The following TNNT2 variants were observed in gnomAD, a reference collection of about 807,000 sequenced individuals.
TNNT2 encodes troponin T2, cardiac type.
TNNT2 carries 34 observed loss-of-function variants against 62.4 expected under a neutral mutation model. The ratio of observed to expected loss-of-function variants is 0.54; its 90% confidence interval spans 0.41 to 0.72. The LOEUF (loss-of-function observed/expected upper bound fraction) is 0.72. Ranked by LOEUF, TNNT2 falls within the 30% of genes least tolerant of loss-of-function variation. TNNT2 has a pLI of 0.00. For missense variants in TNNT2, 275 were observed against 381.9 expected, an observed-to-expected ratio of 0.72 and a Z score of 2.33; for synonymous variants, 123 against 127.2, an observed-to-expected ratio of 0.97 and a Z score of 0.22.
chr1:201,372,972 C>T, intron 2 of TNNT2: 1 of 661,080 alleles, frequency 1.5e-6, no homozygotes, highest in East Asian at 2.9e-5. Context: ...GCCAAGGACA[C>T]TGATGACCCT....
intron 9 of TNNT2, 49 bp downstream of exon 9, chr1:201,365,561 T>C (rs1299960854): frequency 1.9e-6 from 3 of 1,596,314 alleles, no homozygotes; most frequent in Non-Finnish European, 2.6e-6. Context: ...CTGAGGGCCC[T>C]TGGGACTATC....
At chr1:201,376,435 T>TC (rs1661407206) in intron 1 of TNNT2, among the ~76,000 whole-genome samples, 2 of 152,182 alleles carry the variant, frequency 1.3e-5, no homozygotes, top group African/African-American at 4.8e-5. Flanking sequence ...TCAGTCCTTG[T>TC]CCCCAGCACT....
intron 9 of TNNT2, 113 bp downstream of exon 9, chr1:201,365,497 G>T: frequency 1.5e-6 from 2 of 1,309,878 alleles, no homozygotes; most frequent in Non-Finnish European, 2.2e-6. Context: ...GGCTGGTGCT[G>T]CACCCCATCC....
chr1:201,365,281 C>T lies in TNNT2; in HGVS notation c.321G>A (p.Lys107=), dbSNP rs397516459. Residue 107 remains lysine, a synonymous_variant, in exon 10 of 17, where the codon AAG becomes AAA. Coordinates refer to ENST00000656932, the MANE Select transcript of TNNT2 (RefSeq NM_001276345.2). ...FDDIHRKRME[K]DLNELQALIE... ...TCAGCGCCTGCAACTCATTCAGGTCCTTCTCCATGCGCTTCCGGTGGATGT... is the reference window on the plus strand; with the variant it reads ...TCAGCGCCTGCAACTCATTCAGGTCTTTCTCCATGCGCTTCCGGTGGATGT... 3 of 1,614,208 alleles carry T rather than the reference C, an allele frequency of 1.9e-6. No homozygotes were observed. Among genetic ancestry groups the T allele is most frequent in the Non-Finnish European group, 2.5e-6 (3 of 1,180,018 alleles).
intron 11 of TNNT2, 125 bp from the exon 12 acceptor site, chr1:201,363,531 G>A (rs1659095745): frequency 1.2e-6 from 1 of 863,434 alleles, no homozygotes; most frequent in Non-Finnish European, 2.0e-6. Context: ...GGAGCTTTCT[G>A]AGAGGGTAGC....
intron 5 of TNNT2, 106 bp downstream of exon 5, chr1:201,369,710 C>T (rs1261400801): frequency 1.4e-6 from 2 of 1,406,430 alleles, no homozygotes; most frequent in East Asian, 2.3e-5. Context: ...TCCGTCCCTG[C>T]CGCCTACTCA....
chr1:201,363,138 C>T (rs529918498), intron 12 of TNNT2, 158 bp downstream of exon 12: 5 of 985,420 alleles, frequency 5.1e-6, no homozygotes, highest in South Asian at 9.4e-5. Flanking sequence ...GGCTGAAAAC[C>T]AGCTCAGGGC....
intron 15 of TNNT2, among the ~76,000 whole-genome samples, chr1:201,359,996 C>G (rs1658313869): frequency 6.6e-6 from 1 of 152,166 alleles, no homozygotes; most frequent in Non-Finnish European, 1.5e-5. Context: ...TCCTAGCAGC[C>G]CAGCCCCAGA....
rs570070573 is a variant in TNNT2, at chr1:201,368,303, G to A, written c.98-76C>T. On this transcript the variant is annotated intron_variant, in intron 5 of 16. Coordinates refer to ENST00000656932, the MANE Select transcript of TNNT2 (RefSeq NM_001276345.2). ...CAGGCAGAACCCAGAGCAGAGAATGGGCAGCGGGGAGTGGGGATGGGGGTC... is the reference window on the plus strand; with the variant it reads ...CAGGCAGAACCCAGAGCAGAGAATGAGCAGCGGGGAGTGGGGATGGGGGTC... 8 of 1,502,520 alleles carry A rather than the reference G, an allele frequency of 5.3e-6. 1 individual carries two copies. The South Asian group carries it at 6.9e-5, about 13-fold the overall frequency. 93.1% of individuals were successfully genotyped at this position (1,502,520 alleles called of 1,614,324 possible).
At chr1:201,367,899 C>T in intron 6 of TNNT2, 93 bp from the exon 7 acceptor site, 1 of 1,479,684 alleles carries the variant, frequency 6.8e-7, no homozygotes, top group Non-Finnish European at 9.4e-7. Flanking sequence ...CAGATAAGCC[C>T]TAGCCAAGAT....
intron 11 of TNNT2, 44 bp downstream of exon 11, chr1:201,364,254 G>A: frequency 6.3e-7 from 1 of 1,589,298 alleles, no homozygotes. Flanking sequence ...GCAGGAGCTG[G>A]GAGCATGGGG....
rs370483306 is a variant in TNNT2, at chr1:201,363,121, G to A, written c.600+175C>T. ...CAGCAAGCCCCTCCTAGTGCAAGCCGCGGTCAGGCTGAAAACCAGCTCAGG... is the reference window on the plus strand; with the variant it reads ...CAGCAAGCCCCTCCTAGTGCAAGCCACGGTCAGGCTGAAAACCAGCTCAGG... On this transcript the variant is annotated intron_variant, in intron 12 of 16. Transcript: ENST00000656932. The A allele has an allele frequency of 5.2e-3, 5,134 of 985,366 alleles. 16 individuals are homozygous for A. The highest frequency in any genetic ancestry group is 5.9e-3 in the Non-Finnish European group (4,901 of 829,902). 61.0% of individuals were successfully genotyped at this position (985,366 alleles called of 1,614,324 possible). A position where few individuals can be genotyped will look rare whatever the true frequency, so the allele number is the denominator to read the frequency against.
intron 1 of TNNT2, among the ~76,000 whole-genome samples, chr1:201,375,917 C>T (rs756709229): frequency 3.2e-4 from 48 of 152,358 alleles, no homozygotes; most frequent in Middle Eastern, 3.4e-3. Flanking sequence ...CACCATCCAG[C>T]TCCCAAAAAT....
chr1:201,363,574 T>C (rs1659103068), intron 11 of TNNT2, 168 bp from the exon 12 acceptor site: 2 of 643,690 alleles, frequency 3.1e-6, no homozygotes, highest in Admixed American at 2.4e-5. Flanking sequence ...AGGAGTCCAC[T>C]GACTGAGAAA....
At chr1:201,373,075 A>G (rs1660887556) in intron 2 of TNNT2, 139 bp downstream of exon 2, 3 of 850,688 alleles carry the variant, frequency 3.5e-6, no homozygotes, top group South Asian at 1.3e-5. Context: ...GGAAATGGCT[A>G]TATCTCTCCT....
intron 7 of TNNT2, chr1:201,367,143 C>A (rs974912171): frequency 3.6e-5 from 21 of 575,944 alleles, no homozygotes; most frequent in Non-Finnish European, 6.2e-5. Context: ...CTCACCAGTT[C>A]TGGGCAAAGC....
chr1:201,363,794 C>T (rs1013080269), intron 11 of TNNT2: 2 of 314,058 alleles, frequency 6.4e-6, no homozygotes, highest in Non-Finnish European at 1.2e-5. Context: ...TTCATAAGGA[C>T]GCAGGCATTT....
rs111636217 is a variant in TNNT2 at position 201,367,768 on chromosome 1, T to C, written c.199+3A>G. The C allele has an allele frequency of 6.2e-7, 1 of 1,614,148 alleles. No individual in the cohort carries two copies. The highest frequency in any genetic ancestry group is 8.5e-7 in the Non-Finnish European group (1 of 1,180,002). ...CCTTGTACCTCTCTCCTGATATCCT[T>C]ACCTTCAGCCTCCTTTGCTTCCTCT... On this transcript the variant is annotated splice_donor_region_variant and intron_variant, in intron 7 of 16. Transcript: ENST00000656932.
chr1:201,367,840 T>C, intron 6 of TNNT2, 34 bp from the exon 7 acceptor site: 1 of 1,613,900 alleles, frequency 6.2e-7, no homozygotes, highest in Non-Finnish European at 8.5e-7. Context: ...TCAAGGTCCT[T>C]GTTCTGAGCT....
Sources: gnomAD v4.1 joint callset for allele counts (sites outside exome capture counted in the v4.1 genomes callset) on GRCh38, gnomAD v4.1.1 for gene constraint, MANE v1.5 for transcripts, NCBI Gene and HGNC (gene_info 2026-07-23, HGNC 2026-07-21) for gene names.